The following ACTL8 variants were observed in gnomAD, a reference collection of about 807,000 sequenced individuals.
ACTL8 encodes actin like 8, also known as actin-like protein 8.
A neutral mutation model predicts 9.3 loss-of-function variants in ACTL8; 3 were observed. The ratio of observed to expected loss-of-function variants is 0.32; its 90% CI spans 0.15 to 0.83. ACTL8 has a LOEUF of 0.83. Among genes scored for constraint, ACTL8 ranks in the 40% least tolerant of loss-of-function variants. ACTL8 has a pLI of 0.57. For synonymous variants in ACTL8, 224 were observed against 205.9 expected, an observed-to-expected ratio of 1.09 and a Z score of -0.75; for missense variants, 381 against 492.2, an observed-to-expected ratio of 0.77 and a Z score of 2.14.
chr1:17,796,465 G>C (rs777829231), intron 1 of ACTL8, among the ~76,000 whole-genome samples: 1 of 152,208 alleles, frequency 6.6e-6, no homozygotes, highest in South Asian at 2.1e-4. Context: ...CCAAGAGGTC[G>C]GCATCACGCC....
At chr1:17,802,141 A>G (rs141357355) in intron 1 of ACTL8, among the ~76,000 whole-genome samples, 1 of 152,260 alleles carries the variant, frequency 6.6e-6, no homozygotes, top group African/African-American at 2.4e-5. Flanking sequence ...TAACAGGAAG[A>G]TTTGATAAGT....
At chr1:17,817,986 G>A (rs1346335356) in intron 1 of ACTL8, among the ~76,000 whole-genome samples, 1 of 152,178 alleles carries the variant, frequency 6.6e-6, no homozygotes, top group Non-Finnish European at 1.5e-5. Context: ...ACAGGTGTGA[G>A]CCACCGTGCC....
intron 1 of ACTL8, among the ~76,000 whole-genome samples, chr1:17,774,452 A>G (rs2066104413): frequency 6.6e-6 from 1 of 151,308 alleles, no homozygotes; most frequent in Non-Finnish European, 1.5e-5. Flanking sequence ...ATACTGGGGG[A>G]CTGGGGGTAG....
rs370422420 is a variant in ACTL8, at chr1:17,823,045, G to A, written c.37G>A (p.Gly13Ser). The change falls in exon 2 of 3, where the codon GGC becomes AGC. Residue 13 changes from glycine to serine, a missense_variant. Physicochemically the swap from Gly to Ser is moderately conservative, Grantham distance 56 (BLOSUM62 0). Coordinates refer to ENST00000375406, the MANE Select transcript of ACTL8 (RefSeq NM_030812.3). The surrounding 1 kb of genome is among the most constrained non-coding windows in gnomAD (Gnocchi z 5.3). Reference protein sequence around the residue: ...ARTVIIDHGSGFLKAGTAGWN... With the variant: ...ARTVIIDHGSSFLKAGTAGWN... The stretch of plus-strand genomic sequence containing the variant: ...AACCGTTATCATTGACCACGGGTCT[G>A]GCTTTTTGAAGGCTGGCACGGCCGG... 1.2e-6 allele frequency: 2 copies of A among 1,614,040 alleles called. No individual in the cohort carries two copies. The highest frequency in any genetic ancestry group is 2.7e-5 in the African/African-American group (2 of 74,930).
At chr1:17,796,809 G>T (rs1165746952) in intron 1 of ACTL8, among the ~76,000 whole-genome samples, 1 of 152,226 alleles carries the variant, frequency 6.6e-6, no homozygotes, top group Non-Finnish European at 1.5e-5. Flanking sequence ...AGATTGCAAC[G>T]AGTAGGGAGG....
chr1:17,806,113 A>T (rs12083430), intron 1 of ACTL8, among the ~76,000 whole-genome samples: 156 of 152,198 alleles, frequency 1.0e-3, no homozygotes, highest in African/African-American at 3.7e-3. Context: ...CACAGCCGGG[A>T]TGTCGAGCGA....
chr1:17,792,646 C>T (rs1557437462), intron 1 of ACTL8, among the ~76,000 whole-genome samples: 1 of 152,210 alleles, frequency 6.6e-6, no homozygotes, highest in Admixed American at 6.5e-5. Flanking sequence ...CCTGCCATTA[C>T]CTTTGTGTTG....
At position 17,803,991 on chromosome 1, in the gene ACTL8, C is replaced by T. The variant is rs764501024; in HGVS notation, c.-24-18994C>T. ...CATATGGCCTAAGTGACATCACATA[C>T]GAACCCTAAGAATTCTGTCACGAAT... On this transcript the variant is annotated intron_variant, in intron 1 of 2. Transcript: ENST00000375406. 7.2e-5 allele frequency among the ~76,000 whole-genome samples: 11 copies of T among 152,284 alleles called. No individual in the cohort carries two copies. The East Asian group carries it at 9.6e-4, about 13-fold the overall frequency.
At chr1:17,768,233 C>T (rs2102676843) in intron 1 of ACTL8, among the ~76,000 whole-genome samples, 1 of 106,436 alleles carries the variant, frequency 9.4e-6, no homozygotes, top group Admixed American at 1.1e-4. Context: ...CTCTGGGGAC[C>T]CCACCAGGAT....
At chr1:17,770,867 A>G (rs1221281013) in intron 1 of ACTL8, among the ~76,000 whole-genome samples, 1 of 152,114 alleles carries the variant, frequency 6.6e-6, no homozygotes, top group African/African-American at 2.4e-5. Context: ...CGGGAAGAAT[A>G]GGGGAAGTGG....
At chr1:17,760,420 G>A (rs1218183871) in intron 1 of ACTL8, among the ~76,000 whole-genome samples, 1 of 152,202 alleles carries the variant, frequency 6.6e-6, no homozygotes, top group Non-Finnish European at 1.5e-5. Flanking sequence ...TCACAGGCGT[G>A]CATAGGATCG....
chr1:17,822,962 A>G, intron 1 of ACTL8, 23 bp from the exon 2 acceptor site: 1 of 1,544,606 alleles, frequency 6.5e-7, no homozygotes, highest in African/African-American at 1.3e-5. Flanking sequence ...CTGCACAACT[A>G]ACCCCATCCT....
intron 1 of ACTL8, among the ~76,000 whole-genome samples, chr1:17,803,796 G>A (rs80329506): frequency 0.039 from 6,014 of 152,256 alleles, 408 homozygotes; most frequent in African/African-American, 0.14. Flanking sequence ...GCGAGGGAGA[G>A]TGATAGGGAG....
At chr1:17,805,377 C>CTTTTTTTTTTTTTTT (rs56870755) in intron 1 of ACTL8, among the ~76,000 whole-genome samples, 12 of 100,200 alleles carry the variant, frequency 1.2e-4, no homozygotes, top group East Asian at 2.4e-4. Context: ...TTTTCTTTTT[C>CTTTTTTTTTTTTTTT]TTTTTTTTTT....
chr1:17,814,863 A>G (rs1473785590), intron 1 of ACTL8, among the ~76,000 whole-genome samples: 5 of 152,224 alleles, frequency 3.3e-5, no homozygotes, highest in Non-Finnish European at 7.3e-5. Flanking sequence ...ACAAGACAAT[A>G]CATACCATTA....
At chr1:17,771,109 C>G (rs1000957475) in intron 1 of ACTL8, among the ~76,000 whole-genome samples, 1 of 152,170 alleles carries the variant, frequency 6.6e-6, no homozygotes, top group African/African-American at 2.4e-5. Flanking sequence ...AGATTGTAAA[C>G]ATTTTGGGCT....
intron 1 of ACTL8, among the ~76,000 whole-genome samples, chr1:17,762,637 A>G (rs1374401154): frequency 6.6e-6 from 1 of 152,072 alleles, no homozygotes; most frequent in Non-Finnish European, 1.5e-5. Flanking sequence ...GGTCCCCGAT[A>G]TCGAACCCCA....
chr1:17,780,525 T>A (rs2066147099), intron 1 of ACTL8, among the ~76,000 whole-genome samples: 1 of 152,158 alleles, frequency 6.6e-6, no homozygotes, highest in Non-Finnish European at 1.5e-5. Context: ...TTTAAGACCG[T>A]GGAAAACAAA....
chr1:17,791,294 A>C (rs1305946869), intron 1 of ACTL8, among the ~76,000 whole-genome samples: 1 of 151,536 alleles, frequency 6.6e-6, no homozygotes, highest in Non-Finnish European at 1.5e-5. Context: ...AGCAGGCGTG[A>C]TGGCAGCAGC....
Sources: allele counts gnomAD v4.1 joint callset (sites outside exome capture counted in the v4.1 genomes callset), GRCh38; gene constraint gnomAD v4.1.1; non-coding constraint Gnocchi (gnomAD v3.1); transcripts MANE v1.5; gene names NCBI Gene and HGNC (gene_info 2026-07-23, HGNC 2026-07-21).